The following PSMD14 variants were observed in gnomAD, a reference collection of about 807,000 sequenced individuals.
The protein encoded by PSMD14 is ubiquitin C-terminal hydrolase PSMD14.
In PSMD14, 7 loss-of-function variants were observed where a neutral mutation model predicts 41.2. That is an observed-to-expected ratio of 0.17 (90% confidence interval 0.10 to 0.32). The LOEUF is 0.32. Ranked by LOEUF, PSMD14 falls within the 10% of genes least tolerant of loss-of-function variation. PSMD14 has a pLI of 1.00. For missense variants in PSMD14, 139 were observed against 375.6 expected (o/e 0.37, Z 5.21); for synonymous variants, 114 against 122.3 (o/e 0.93, Z 0.45).
At chr2:161,329,911 TGA>T (rs1486404081) in intron 3 of PSMD14, among the ~76,000 whole-genome samples, 3 of 152,178 alleles carry the variant, frequency 2.0e-5, no homozygotes, top group Non-Finnish European at 4.4e-5. Flanking sequence ...AGGGTGTTCC[TGA>T]GAGGCCTCAA....
rs75863761 is a variant in PSMD14 at position 161,387,872 on chromosome 2, C to T, written c.570+2301C>T. ...AGCTAAGAGACAAAGGTTATTTTCACGTTCATGTTTTATATAATAGAAGCC... is the reference window on the plus strand; with the variant it reads ...AGCTAAGAGACAAAGGTTATTTTCATGTTCATGTTTTATATAATAGAAGCC... On this transcript the variant is annotated intron_variant, in intron 8 of 11. Transcript: ENST00000409682. Among the ~76,000 whole-genome samples, 71 of 151,920 alleles carry T rather than the reference C, an allele frequency of 4.7e-4. 1 individual carries two copies. The highest frequency in any genetic ancestry group is 8.5e-4 in the Non-Finnish European group (58 of 67,902).
intron 1 of PSMD14, among the ~76,000 whole-genome samples, chr2:161,309,606 A>G (rs1447666837): frequency 6.6e-6 from 1 of 152,194 alleles, no homozygotes; most frequent in African/African-American, 2.4e-5. Context: ...ACGTAAGGCT[A>G]CCTACCAGCT....
At chr2:161,326,431 A>C (rs781741072) in intron 3 of PSMD14, among the ~76,000 whole-genome samples, 6 of 152,230 alleles carry the variant, frequency 3.9e-5, no homozygotes, top group Non-Finnish European at 7.3e-5. Flanking sequence ...GATTGGAGAA[A>C]TTAGAACTCT....
rs896419305 is a variant in PSMD14 at position 161,308,496 on chromosome 2, C to G, written c.-246C>G. 4.6e-5 allele frequency: 7 copies of G among 152,344 alleles called. No individual in the cohort carries two copies. The highest frequency in any genetic ancestry group is 1.4e-4 in the African/African-American group (6 of 41,472). The allele number at this position is 152,344 out of a possible 1,614,324, so 9.4% of individuals were successfully genotyped here. On this transcript the variant is annotated 5_prime_UTR_variant, in exon 1 of 12. Transcript: ENST00000409682. The stretch of plus-strand genomic sequence containing the variant: ...GGCTGATTCATCGCCGGTTTGCAGA[C>G]AGAGCCGCGTCGGGTGTGCGCCGCT...
In PSMD14 at chr2:161,332,858, G is replaced by A. The variant is rs555420359; in HGVS notation, c.48+13985G>A. ...TAGCCTTTCCAGTAATTTTGGTTGG[G>A]GATCTGACTGGCACAGGCAGGTGAT... On this transcript the variant is annotated intron_variant, in intron 3 of 11. Coordinates refer to ENST00000409682, the MANE Select transcript of PSMD14 (RefSeq NM_005805.6). Among the ~76,000 whole-genome samples, 3 of 152,286 alleles carry A rather than the reference G, an allele frequency of 2.0e-5. No homozygotes were observed. The South Asian group carries it at 6.2e-4, about 32-fold the overall frequency.
At chr2:161,355,823 G>C (rs1683188149) in intron 3 of PSMD14, among the ~76,000 whole-genome samples, 2 of 152,186 alleles carry the variant, frequency 1.3e-5, no homozygotes, top group Admixed American at 6.5e-5. Flanking sequence ...TGGGACAGTT[G>C]TTGGATCCGC....
chr2:161,373,038 G>A (rs188353939), intron 7 of PSMD14, among the ~76,000 whole-genome samples: 27 of 151,782 alleles, frequency 1.8e-4, no homozygotes, highest in African/African-American at 6.0e-4. Flanking sequence ...AAATAAATGA[G>A]TATGTATTTT....
rs1683430682 is a variant in PSMD14, at chr2:161,371,330, A to G, written c.462+8A>G. The G allele has an allele frequency of 1.2e-6, 2 of 1,603,000 alleles. No individual in the cohort carries two copies. The highest frequency in any genetic ancestry group is 2.2e-5 in the East Asian group (1 of 44,590). ...CAGAGTGTAAAAGGAAAGGTAGAGT[A>G]GATTCTATCTTTATTGCCATCTACT... On this transcript the variant is annotated splice_region_variant and intron_variant, in intron 7 of 11. Coordinates refer to ENST00000409682, the MANE Select transcript of PSMD14 (RefSeq NM_005805.6).
At chr2:161,362,242 A>G (rs1683298785) in intron 3 of PSMD14, among the ~76,000 whole-genome samples, 1 of 109,706 alleles carries the variant, frequency 9.1e-6, no homozygotes. Context: ...AAGTTGTTCA[A>G]AAAACTAATT....
At chr2:161,365,701 TTGG>T (rs1196707716) in intron 3 of PSMD14, among the ~76,000 whole-genome samples, 1 of 152,124 alleles carries the variant, frequency 6.6e-6, no homozygotes, top group Admixed American at 6.5e-5. Context: ...ATTATATATA[TTGG>T]TGGGGGGTGA....
chr2:161,408,713 G>A, intron 10 of PSMD14, 124 bp from the exon 11 acceptor site: 1 of 669,068 alleles, frequency 1.5e-6, no homozygotes, highest in South Asian at 1.9e-5. Flanking sequence ...TATTTGTTCA[G>A]TAAATTATTT....
intron 3 of PSMD14, among the ~76,000 whole-genome samples, chr2:161,337,313 C>A (rs1012133103): frequency 6.6e-6 from 1 of 152,106 alleles, no homozygotes; most frequent in Non-Finnish European, 1.5e-5. Flanking sequence ...TTTTTGGTAT[C>A]AGTAAACTAA....
chr2:161,403,222 T>C (rs1383703826), intron 10 of PSMD14, among the ~76,000 whole-genome samples: 1 of 152,180 alleles, frequency 6.6e-6, no homozygotes, highest in East Asian at 1.9e-4. Flanking sequence ...TAAAAAGGAA[T>C]GGAGTGCTGA....
At chr2:161,312,886 C>T (rs191057693) in intron 1 of PSMD14, among the ~76,000 whole-genome samples, 120 of 152,284 alleles carry the variant, frequency 7.9e-4, no homozygotes, top group African/African-American at 2.6e-3. Flanking sequence ...GAAATATGCC[C>T]AGCATTTTGA....
At chr2:161,318,985 T>C (rs1689174341) in intron 3 of PSMD14, 112 bp downstream of exon 3, 3 of 765,048 alleles carry the variant, frequency 3.9e-6, no homozygotes, top group East Asian at 2.7e-5. Context: ...GATAACTCTA[T>C]GGTAAGAATC....
At chr2:161,356,145 C>G (rs575237034) in intron 3 of PSMD14, among the ~76,000 whole-genome samples, 116 of 152,022 alleles carry the variant, frequency 7.6e-4, no homozygotes, top group Non-Finnish European at 1.1e-3. Flanking sequence ...AGGGTTAAGT[C>G]GACATGAAAG....
At chr2:161,378,977 G>A (rs1022436751) in intron 7 of PSMD14, among the ~76,000 whole-genome samples, 2 of 151,974 alleles carry the variant, frequency 1.3e-5, no homozygotes, top group African/African-American at 4.8e-5. Flanking sequence ...CAGTAGTCCA[G>A]TGGATATACT....
rs748171062 is a variant in PSMD14, at chr2:161,408,865, C to A, written c.800C>A (p.Pro267His). Reference protein sequence around the residue: ...KAVEEEDKMTPEQLAIKNVGK... With the variant: ...KAVEEEDKMTHEQLAIKNVGK... ...GTAGAAGAAGAAGATAAGATGACAC[C>A]TGAACAGCTGGCAATAAAGAATGTT... The change falls in exon 11 of 12, where the codon CCT (proline) becomes CAT (histidine). Residue 267 changes from proline to histidine, a missense_variant. Coordinates refer to ENST00000409682, the MANE Select transcript of PSMD14 (RefSeq NM_005805.6). The A allele has an allele frequency of 1.2e-6, 2 of 1,607,300 alleles. No individual in the cohort carries two copies. Among genetic ancestry groups the A allele is most frequent in the South Asian group, 1.1e-5 (1 of 90,340 alleles).
At chr2:161,367,638 T>G (rs1286071898) in intron 4 of PSMD14, 89 bp downstream of exon 4, 1 of 1,425,868 alleles carries the variant, frequency 7.0e-7, no homozygotes, top group African/African-American at 1.4e-5. Context: ...CTTAATCCTC[T>G]CAGACATAAA....
Sources: gnomAD v4.1 joint callset for allele counts (sites outside exome capture counted in the v4.1 genomes callset) on GRCh38, gnomAD v4.1.1 for gene constraint, MANE v1.5 for transcripts, NCBI Gene and HGNC (gene_info 2026-07-23, HGNC 2026-07-21) for gene names.